The following ACTR3C variants were observed in gnomAD, a reference collection of about 807,000 sequenced individuals.
ACTR3C encodes actin-related protein 3C.
Under a neutral mutation model 26.3 loss-of-function variants are expected in ACTR3C, and 18 were observed. The ratio of observed to expected loss-of-function variants is 0.68; its 90% CI spans 0.47 to 1.01. The LOEUF (loss-of-function observed/expected upper bound fraction) is 1.01. ACTR3C is among the 50% of genes least tolerant of loss of function. The pLI, the probability that ACTR3C is intolerant of heterozygous loss-of-function variation, is 0.00. For missense variants in ACTR3C, 184 were observed against 250.7 expected (o/e 0.73, Z 1.80); for synonymous variants, 55 against 94.5 (o/e 0.58, Z 2.42).
the ACTR3C span, among the ~76,000 whole-genome samples, chr7:150,122,163 G>T: frequency 1.6e-3 from 248 of 152,142 alleles, 1 homozygote; most frequent in South Asian, 0.012. Flanking sequence ...CATGACATAG[G>T]CATGGGCAAA....
chr7:150,183,696 C>T, the ACTR3C span, among the ~76,000 whole-genome samples: 1 of 48,034 alleles, frequency 2.1e-5, no homozygotes, highest in African/African-American at 6.9e-5. Context: ...GTGGCTATGG[C>T]AAAAAAAAAA....
chr7:149,903,404 T>A, the ACTR3C span, among the ~76,000 whole-genome samples: 3 of 152,148 alleles, frequency 2.0e-5, no homozygotes, highest in African/African-American at 7.2e-5. Flanking sequence ...AAAAAAAATC[T>A]TACAAACCTC....
At chr7:150,269,453 C>T in intron 6 of ACTR3C, among the ~76,000 whole-genome samples, 1 of 150,314 alleles carries the variant, frequency 6.7e-6, no homozygotes, top group Non-Finnish European at 1.5e-5. Context: ...TCTGTGAAGA[C>T]ATCACCAGGC....
the ACTR3C span, among the ~76,000 whole-genome samples, chr7:150,196,983 A>G: frequency 6.6e-6 from 1 of 152,066 alleles, no homozygotes; most frequent in Non-Finnish European, 1.5e-5. Context: ...GGGATAGATG[A>G]GTTTTCCCAT....
chr7:150,135,401 T>G, the ACTR3C span, among the ~76,000 whole-genome samples: 1 of 152,362 alleles, frequency 6.6e-6, no homozygotes, highest in Middle Eastern at 3.4e-3. Context: ...GGATCTTGGC[T>G]TCATGCTCAG....
At chr7:150,031,860 G>A in the ACTR3C span, among the ~76,000 whole-genome samples, 1 of 152,114 alleles carries the variant, frequency 6.6e-6, no homozygotes, top group Non-Finnish European at 1.5e-5. Context: ...TTTTCCTTGG[G>A]CCCTTCCTGT....
chr7:150,036,294 G>A, the ACTR3C span, among the ~76,000 whole-genome samples: 1 of 147,846 alleles, frequency 6.8e-6, no homozygotes, highest in East Asian at 1.9e-4. Context: ...TAGCAGGGCA[G>A]TTGCTGCCAA....
chr7:150,109,671 G>A, the ACTR3C span, among the ~76,000 whole-genome samples: 1 of 150,080 alleles, frequency 6.7e-6, no homozygotes, highest in African/African-American at 2.5e-5. Context: ...CTCCAACCAC[G>A]AGGACTATGG....
chr7:149,933,857 C>CTAGTCAG, the ACTR3C span, among the ~76,000 whole-genome samples: 1 of 152,006 alleles, frequency 6.6e-6, no homozygotes, highest in African/African-American at 2.4e-5. Flanking sequence ...CCATTCAACA[C>CTAGTCAG]TAGTCAGACT....
the ACTR3C span, among the ~76,000 whole-genome samples, chr7:150,055,457 A>AT: frequency 2.6e-5 from 4 of 152,008 alleles, no homozygotes; most frequent in Non-Finnish European, 5.9e-5. Flanking sequence ...TTTTTCAAGA[A>AT]TAAAAAAAAG....
At chr7:149,915,565 A>T in the ACTR3C span, among the ~76,000 whole-genome samples, 1 of 151,792 alleles carries the variant, frequency 6.6e-6, no homozygotes, top group South Asian at 2.1e-4. Flanking sequence ...GATGAGGAAG[A>T]GTCAATATTT....
At chr7:150,038,759 CA>C in the ACTR3C span, among the ~76,000 whole-genome samples, 5 of 143,478 alleles carry the variant, frequency 3.5e-5, no homozygotes, top group South Asian at 2.1e-4. Flanking sequence ...GGTCCTAAGC[CA>C]GGAGGGGAAG....
chr7:149,983,950 G>T, the ACTR3C span, among the ~76,000 whole-genome samples: 1 of 152,072 alleles, frequency 6.6e-6, no homozygotes, highest in South Asian at 2.1e-4. Flanking sequence ...GTGCTTGCCA[G>T]GGGCTTGGGA....
the ACTR3C span, among the ~76,000 whole-genome samples, chr7:149,960,465 C>T: frequency 1.3e-5 from 2 of 152,144 alleles, no homozygotes; most frequent in African/African-American, 2.4e-5. Context: ...CCCAAGCCCA[C>T]TTTTAAATTT....
intron 1 of ACTR3C, among the ~76,000 whole-genome samples, chr7:150,297,157 T>TA (rs34622157): frequency 2.9e-5 from 4 of 138,460 alleles, no homozygotes; most frequent in African/African-American, 1.2e-4. Context: ...GGGCCACACT[T>TA]AAGAGTCTTC....
chr7:150,306,687 C>T (rs1030107333), intron 1 of ACTR3C, among the ~76,000 whole-genome samples: 7 of 152,276 alleles, frequency 4.6e-5, no homozygotes, highest in African/African-American at 1.7e-4. Flanking sequence ...TTTGGAGAAA[C>T]AATTTAGCAA....
chr7:149,942,423 T>G, the ACTR3C span, among the ~76,000 whole-genome samples: 1 of 152,104 alleles, frequency 6.6e-6, no homozygotes, highest in Non-Finnish European at 1.5e-5. Context: ...TTTTTCTGTT[T>G]CTTGGATTGC....
chr7:150,039,937 G>T, the ACTR3C span, among the ~76,000 whole-genome samples: 3 of 137,096 alleles, frequency 2.2e-5, no homozygotes, highest in African/African-American at 7.8e-5. Flanking sequence ...CAAAGAGCCA[G>T]GGGAGGAAAG....
At chr7:150,033,755 G>GAC in the ACTR3C span, among the ~76,000 whole-genome samples, 1 of 148,792 alleles carries the variant, frequency 6.7e-6, no homozygotes, top group Non-Finnish European at 1.5e-5. Flanking sequence ...CCACCCTCGT[G>GAC]GGGGGTGCTT....
Sources: allele counts gnomAD v4.1 joint callset (sites outside exome capture counted in the v4.1 genomes callset), GRCh38; gene constraint gnomAD v4.1.1; transcripts MANE v1.5; gene names NCBI Gene and HGNC (gene_info 2026-07-23, HGNC 2026-07-21).